Variants in PPP1R10 observed in about 807,000 individuals in gnomAD.
PPP1R10 encodes the protein protein phosphatase 1 regulatory subunit 10.
A neutral mutation model predicts 99.0 loss-of-function variants in PPP1R10; 15 were observed. That is an observed-to-expected ratio of 0.15 (90% CI 0.10 to 0.23). The LOEUF (loss-of-function observed/expected upper bound fraction) is 0.23. PPP1R10 is among the 10% of genes least tolerant of loss of function. The pLI is 1.00. For synonymous variants in PPP1R10, 430 were observed against 449.5 expected, an observed-to-expected ratio of 0.96 and a Z score of 0.55; for missense variants, 947 against 1,259.4, an observed-to-expected ratio of 0.75 and a Z score of 3.75.
rs771570687 is a variant in PPP1R10 at position 30,602,056 on chromosome 6, G to A, written c.2593C>T (p.Pro865Ser). Residue 865 changes from proline to serine, a missense_variant, in exon 19 of 20, where the codon CCT becomes TCT. Transcript: ENST00000376511. This position sits in a 1 kb window ranked among gnomAD's most constrained non-coding sequence, Gnocchi z 6.7. ...CGATGGTCATGGCCTCGGTGACCAGGGACATCATGAGGCCGGTGGCCATGG... is the reference window on the plus strand; with the variant it reads ...CGATGGTCATGGCCTCGGTGACCAGAGACATCATGAGGCCGGTGGCCATGG... ...GPHGHRPHDV[P>S]GHRGHDHRGP... The A allele has an allele frequency of 7.0e-6, 11 of 1,562,392 alleles. No homozygotes were observed. The South Asian group carries it at 1.2e-4, about 17-fold the overall frequency.
In PPP1R10 at chr6:30,604,153, T is replaced by C; in HGVS notation, c.1363A>G (p.Met455Val). The change falls in exon 14 of 20, where the codon ATG (methionine) becomes GTG (valine). Residue 455 changes from methionine to valine, a missense_variant. This residue lies in a region of PPP1R10 where 50 missense variants were observed against 78.6 expected (regional missense o/e 0.64). Coordinates refer to ENST00000376511, the MANE Select transcript of PPP1R10 (RefSeq NM_002714.4). This position sits in a 1 kb window ranked among gnomAD's most constrained non-coding sequence, Gnocchi z 7.3. Reference protein sequence around the residue: ...ETARRLSHDNMEEKVPWVCPR... With the variant: ...ETARRLSHDNVEEKVPWVCPR... ...CACACCCAGGGCACCTTCTCCTCCA[T>C]GTTATCATGGCTCAGACGCCGCGCT... 1 of 1,614,102 alleles carries C rather than the reference T, an allele frequency of 6.2e-7. No homozygotes were observed. Among genetic ancestry groups the C allele is most frequent in the Non-Finnish European group, 8.5e-7 (1 of 1,180,008 alleles).
Position 30,601,377 on chromosome 6 carries a change from T to C in PPP1R10, c.*172A>G. On this transcript the variant is annotated 3_prime_UTR_variant, in exon 20 of 20. Transcript: ENST00000376511. ...GACTGGAGGAAAATATGTACATCAA[T>C]GCGCACCAGTGATCAGAAAACCCCC... is the stretch of plus-strand genomic sequence containing the variant. The C allele has an allele frequency of 5.0e-6, 3 of 605,970 alleles. No homozygotes were observed. The South Asian group carries it at 6.0e-5, about 12-fold the overall frequency. 37.5% of individuals were successfully genotyped at this position (605,970 alleles called of 1,614,324 possible).
rs551065343 is a variant in PPP1R10, at chr6:30,606,032, G to A, written c.744C>T (p.Asn248=). 2.1e-5 allele frequency: 34 copies of A among 1,613,888 alleles called. No individual in the cohort carries two copies. Among genetic ancestry groups the A allele is most frequent in the South Asian group, 1.8e-4 (16 of 91,068 alleles). The change falls in exon 10 of 20, where the codon AAC becomes AAT. Residue 248 remains asparagine, a synonymous_variant. Transcript: ENST00000376511. The surrounding 1 kb of genome is among the most constrained non-coding windows in gnomAD (Gnocchi z 6.3). ...LKPIPLKRQS[N]VAAPGDATPP... ...GAGTGGCATCTCCTGGAGCAGCTAC[G>A]TTGCTGTCAGAAGAGGAACTGTCAT... is the stretch of plus-strand genomic sequence containing the variant.
In PPP1R10 at chr6:30,616,651, C is replaced by CA. The variant is rs1760590597; in HGVS notation, c.-186dup. The CA allele has an allele frequency of 6.6e-6, 1 of 152,162 alleles. No homozygotes were observed. The highest frequency in any genetic ancestry group is 2.1e-4 in the South Asian group (1 of 4,822). 9.4% of individuals were successfully genotyped at this position (152,162 alleles called of 1,614,324 possible). On this transcript the variant is annotated 5_prime_UTR_variant, in exon 2 of 20. An upstream open reading frame in the 5' UTR gains an earlier in-frame stop. Transcript: ENST00000376511. ...GCCAACTCAGTATTCATTTCCCCCC[C>CA]ACCCAACTCCATTTAGGGAGGGGGG... is the stretch of plus-strand genomic sequence containing the variant.
In PPP1R10 at chr6:30,609,121, G is replaced by A; in HGVS notation, c.150C>T (p.Tyr50=). The change falls in exon 4 of 20, where the codon TAC becomes TAT. Residue 50 remains tyrosine (Y), a synonymous_variant. Transcript: ENST00000376511. The surrounding 1 kb of genome is among the most constrained non-coding windows in gnomAD (Gnocchi z 4.5). The part of the protein sequence containing the change: ...EARKMVSRCT[Y]LNILLQTRSP... Reference sequence around the variant, plus strand: ...AACGGGTCTGCAGGAGAATGTTCAAGTAAGTGCATCGACTCACCATCTTTC... The same window carrying A: ...AACGGGTCTGCAGGAGAATGTTCAAATAAGTGCATCGACTCACCATCTTTC... 1 of 1,613,708 alleles carries A rather than the reference G, an allele frequency of 6.2e-7. No individual in the cohort carries two copies. Among genetic ancestry groups the A allele is most frequent in the South Asian group, 1.1e-5 (1 of 91,084 alleles).
chr6:30,614,548 C>T (rs981345292), intron 2 of PPP1R10: 1 of 152,196 alleles, frequency 6.6e-6, no homozygotes, highest in Non-Finnish European at 1.5e-5. Context: ...AAAGTACCCA[C>T]CTTCCCCCGA....
intron 2 of PPP1R10, among the ~76,000 whole-genome samples, chr6:30,612,714 G>C (rs1489190732): frequency 6.6e-6 from 1 of 152,070 alleles, no homozygotes; most frequent in Non-Finnish European, 1.5e-5. Flanking sequence ...TTATAACCTA[G>C]TTTCCTTGCT....
Position 30,606,270 on chromosome 6 carries a change from G to A in PPP1R10, c.635-27C>T. On this transcript the variant is annotated intron_variant, in intron 8 of 19. Transcript: ENST00000376511. The surrounding 1 kb of genome is among the most constrained non-coding windows in gnomAD (Gnocchi z 6.3). ...TGGGGAAAGAAGCACGGTGTGGGCA[G>A]CTGAACTCAAACCCCAGACCCCCGA... The A allele has an allele frequency of 1.2e-6, 2 of 1,609,788 alleles. No homozygotes were observed. The highest frequency in any genetic ancestry group is 1.7e-4 in the Middle Eastern group (1 of 5,786).
rs11420043 is a variant in PPP1R10, at chr6:30,603,679, CAAA to C, written c.1573-16_1573-14del. On this transcript the variant is annotated splice_polypyrimidine_tract_variant and intron_variant, in intron 15 of 19. Transcript: ENST00000376511. Reference sequence around the variant, plus strand: ...CCATGGAACACTCCTGAAAGAAGAACAAAAAAAATCAGGATTGACAGAACAGAG... The same window carrying C: ...CCATGGAACACTCCTGAAAGAAGAACAAAAATCAGGATTGACAGAACAGAG... 1.3e-6 allele frequency: 2 copies of C among 1,565,908 alleles called. No individual in the cohort carries two copies. Among genetic ancestry groups the C allele is most frequent in the East Asian group, 4.5e-5 (2 of 44,342 alleles).
At position 30,616,549 on chromosome 6, in the gene PPP1R10, T is replaced by C. The variant is rs943786305; in HGVS notation, c.-83A>G. ...GGGTAAAATTTTGGAGGAAAAAAAATAAAACAACCAACCAGGACCCAAAAC... is the reference window on the plus strand; with the variant it reads ...GGGTAAAATTTTGGAGGAAAAAAAACAAAACAACCAACCAGGACCCAAAAC... On this transcript the variant is annotated 5_prime_UTR_variant, in exon 2 of 20. Coordinates refer to ENST00000376511, the MANE Select transcript of PPP1R10 (RefSeq NM_002714.4). The C allele has an allele frequency of 6.6e-6, 1 of 151,748 alleles. No individual in the cohort carries two copies. Among genetic ancestry groups the C allele is most frequent in the Non-Finnish European group, 1.5e-5 (1 of 67,928 alleles). The allele number at this position is 151,748 out of a possible 1,614,324, so 9.4% of individuals were successfully genotyped here.
At chr6:30,612,577 A>T (rs1804666053) in intron 2 of PPP1R10, among the ~76,000 whole-genome samples, 1 of 152,170 alleles carries the variant, frequency 6.6e-6, no homozygotes, top group Admixed American at 6.5e-5. Flanking sequence ...CACTACTTAT[A>T]TTTTGGAAAT....
At position 30,601,931 on chromosome 6, in the gene PPP1R10, C is replaced by A; in HGVS notation, c.2713+5G>T. 1 of 1,503,604 alleles carries A rather than the reference C, an allele frequency of 6.7e-7. No individual in the cohort carries two copies. The highest frequency in any genetic ancestry group is 2.3e-5 in the East Asian group (1 of 43,490). The allele number at this position is 1,503,604 out of a possible 1,614,324, so 93.1% of individuals were successfully genotyped here. Reference sequence around the variant, plus strand: ...AGGCATATGGGGGACAGGGAGCATCCTCACCTCCTCCATGGCTGTGGCCTC... The same window carrying A: ...AGGCATATGGGGGACAGGGAGCATCATCACCTCCTCCATGGCTGTGGCCTC... On this transcript the variant is annotated splice_donor_5th_base_variant and intron_variant, in intron 19 of 19. Coordinates refer to ENST00000376511, the MANE Select transcript of PPP1R10 (RefSeq NM_002714.4).
chr6:30,600,926 C>T lies in PPP1R10; in HGVS notation c.*623G>A, dbSNP rs149134091. On this transcript the variant is annotated 3_prime_UTR_variant, in exon 20 of 20. Coordinates refer to ENST00000376511, the MANE Select transcript of PPP1R10 (RefSeq NM_002714.4). ...ATCATCGAACCTAGCAGACCCAGGA[C>T]GCAGACTGGGTGTTCACAGAAAGTT... 1.2e-3 allele frequency: 180 copies of T among 152,928 alleles called. No individual in the cohort carries two copies. The Middle Eastern group carries it at 0.017, about 14-fold the overall frequency. The allele number at this position is 152,928 out of a possible 1,614,324, so 9.5% of individuals were successfully genotyped here.
At chr6:30,611,100 G>A (rs1804507335) in intron 2 of PPP1R10, among the ~76,000 whole-genome samples, 1 of 152,142 alleles carries the variant, frequency 6.6e-6, no homozygotes, top group African/African-American at 2.4e-5. Context: ...CTTGAGCGCA[G>A]GAGTTTGAAA....
Position 30,616,700 on chromosome 6 carries a change from A to G in PPP1R10, c.-234T>C, listed in dbSNP as rs1277680483. 1 of 152,138 alleles carries G rather than the reference A, an allele frequency of 6.6e-6. No individual in the cohort carries two copies. The highest frequency in any genetic ancestry group is 1.5e-5 in the Non-Finnish European group (1 of 68,026). The allele number at this position is 152,138 out of a possible 1,614,324, so 9.4% of individuals were successfully genotyped here. A position where few individuals can be genotyped will look rare whatever the true frequency, so the allele number is the denominator to read the frequency against. ...GGTCGCAGAAAAAAGTTCTGAGTGGATTCAAAAAAGTAAACGCTGGATGAG... is the reference window on the plus strand; with the variant it reads ...GGTCGCAGAAAAAAGTTCTGAGTGGGTTCAAAAAAGTAAACGCTGGATGAG... On this transcript the variant is annotated 5_prime_UTR_variant, in exon 2 of 20. Coordinates refer to ENST00000376511, the MANE Select transcript of PPP1R10 (RefSeq NM_002714.4).
At chr6:30,607,990 T>A (rs1242839322) in intron 5 of PPP1R10, 99 bp from the exon 6 acceptor site, 8 of 1,271,170 alleles carry the variant, frequency 6.3e-6, no homozygotes, top group African/African-American at 3.1e-5. Flanking sequence ...CTGCTTTTTT[T>A]TTTTTTTTTA....
At chr6:30,610,101 A>T (rs1804404058) in intron 2 of PPP1R10, 146 bp from the exon 3 acceptor site, 1 of 631,230 alleles carries the variant, frequency 1.6e-6, no homozygotes, top group South Asian at 2.0e-5. Flanking sequence ...AGATATGAAA[A>T]ATCGACACAG....
Position 30,601,656 on chromosome 6 carries a change from T to C in PPP1R10, c.2716A>G (p.Met906Val). The C allele has an allele frequency of 1.2e-6, 2 of 1,613,812 alleles. No individual in the cohort carries two copies. The highest frequency in any genetic ancestry group is 1.7e-6 in the Non-Finnish European group (2 of 1,179,826). Residue 906 changes from methionine to valine, a missense_variant and splice_region_variant, in exon 20 of 20, where the codon ATG (methionine) becomes GTG (valine). Coordinates refer to ENST00000376511, the MANE Select transcript of PPP1R10 (RefSeq NM_002714.4). Reference protein sequence around the residue: ...HDGGHSHGGDMSNRPVCRHFM... With the variant: ...HDGGHSHGGDVSNRPVCRHFM... ...TGTCGGCAGACAGGGCGGTTTGACA[T>C]GTCTGTGGGAACGATGGCAAAACAG... is the stretch of plus-strand genomic sequence containing the variant.
Position 30,603,542 on chromosome 6 carries a change from C to T in PPP1R10, c.1697G>A (p.Gly566Asp), listed in dbSNP as rs753879672. The change falls in exon 16 of 20, where the codon GGT becomes GAT. Residue 566 changes from glycine (G) to aspartate (D), a missense_variant. By Grantham distance (94) the Gly-to-Asp change is moderately conservative. Transcript: ENST00000376511. ...AGGGCCTTGGGGGCCCTTTCCAGCA[C>T]CCATGCTTCCCATAAGATTGGCCAG... Reference protein sequence around the residue: ...PVLANLMGSMGAGKGPQGPGG... With the variant: ...PVLANLMGSMDAGKGPQGPGG... 1 of 1,614,070 alleles carries T rather than the reference C, an allele frequency of 6.2e-7. No individual in the cohort carries two copies. Among genetic ancestry groups the T allele is most frequent in the Non-Finnish European group, 8.5e-7 (1 of 1,179,990 alleles).
Sources: gnomAD v4.1 joint callset for allele counts (sites outside exome capture counted in the v4.1 genomes callset) on GRCh38, gnomAD v4.1.1 for gene constraint, gnomAD v4.1.1 regional missense constraint, Gnocchi (gnomAD v3.1) non-coding constraint, MANE v1.5 for transcripts, NCBI Gene and HGNC (gene_info 2026-07-23, HGNC 2026-07-21) for gene names.